KIAA1217: variants seen among roughly 807,000 people sequenced by gnomAD.
KIAA1217 encodes sickle tail protein homolog.
Under a neutral mutation model 163.9 loss-of-function variants are expected in KIAA1217, and 88 were observed. The ratio of observed to expected loss-of-function variants is 0.54; its 90% confidence interval spans 0.45 to 0.64. The LOEUF is 0.64. Ranked by LOEUF, KIAA1217 falls within the 30% of genes least tolerant of loss-of-function variation. The probability of loss-of-function intolerance (pLI) is 0.00; values close to 1 mark genes in which losing one functional copy is unlikely to be tolerated. For synonymous variants in KIAA1217, 903 were observed against 923.1 expected (o/e 0.98, Z 0.39); for missense variants, 2,372 against 2,475.0 (o/e 0.96, Z 0.88).
chr10:24,160,761 A>G (rs1353374735), intron 2 of KIAA1217, among the ~76,000 whole-genome samples: 1 of 152,208 alleles, frequency 6.6e-6, no homozygotes, highest in African/African-American at 2.4e-5. Flanking sequence ...TAAATTGAGT[A>G]TATTAGAGAC....
rs140097545 is a variant in KIAA1217 at position 24,129,250 on chromosome 10, G to A, written c.-170-90376G>A. On this transcript the variant is annotated intron_variant, in intron 2 of 18. Transcript: ENST00000376462. The stretch of plus-strand genomic sequence containing the variant: ...AATAGAGTCATTATGTGGATTAGAG[G>A]AGAGCCAGGATGAAAAACTTATAGT... Among the ~76,000 whole-genome samples the A allele has an allele frequency of 2.8e-3, 411 of 148,984 alleles. 2 individuals are homozygous for A. Among genetic ancestry groups the A allele is most frequent in the Middle Eastern group, 0.01 (3 of 288 alleles).
At chr10:24,113,912 C>T (rs931263871) in intron 2 of KIAA1217, among the ~76,000 whole-genome samples, 11 of 152,190 alleles carry the variant, frequency 7.2e-5, no homozygotes, top group Non-Finnish European at 1.2e-4. Context: ...ATTATTAAGA[C>T]CCAAGACAGC....
chr10:23,734,235 C>A (rs529427976), intron 1 of KIAA1217, among the ~76,000 whole-genome samples: 2 of 152,016 alleles, frequency 1.3e-5, no homozygotes, highest in Non-Finnish European at 2.9e-5. Flanking sequence ...CATTGGAAAG[C>A]ACTATTCTTA....
At chr10:23,867,315 G>A (rs12242750) in intron 1 of KIAA1217, among the ~76,000 whole-genome samples, 4,954 of 151,852 alleles carry the variant, frequency 0.033, 237 homozygotes, top group African/African-American at 0.11. Context: ...AAACATACGT[G>A]TGCATGTGTC....
intron 1 of KIAA1217, among the ~76,000 whole-genome samples, chr10:23,837,561 T>C (rs1838537904): frequency 6.6e-6 from 1 of 152,160 alleles, no homozygotes; most frequent in African/African-American, 2.4e-5. Flanking sequence ...TGAGATGGGA[T>C]CTTGCTCTGT....
Position 24,524,685 on chromosome 10 carries a change from T to G in KIAA1217, c.2819T>G (p.Met940Arg). 6.2e-7 allele frequency: 1 copy of G among 1,614,048 alleles called. No homozygotes were observed. The highest frequency in any genetic ancestry group is 2.2e-5 in the East Asian group (1 of 44,874). Reference sequence around the variant, plus strand: ...GCTCCGCAGTCCCCACAGATACCCATGAATGGGTCTGCCATGCAGAGCTTG... The same window carrying G: ...GCTCCGCAGTCCCCACAGATACCCAGGAATGGGTCTGCCATGCAGAGCTTG... ...SQAPQSPQIP[M>R]NGSAMQSLFI... Residue 940 changes from methionine to arginine, a missense_variant, in exon 13 of 21, where the codon ATG becomes AGG. Coordinates refer to ENST00000376454, the MANE Select transcript of KIAA1217 (RefSeq NM_019590.5).
intron 1 of KIAA1217, among the ~76,000 whole-genome samples, chr10:24,213,999 T>G (rs368628052): frequency 6.7e-6 from 1 of 149,292 alleles, no homozygotes; most frequent in Non-Finnish European, 1.5e-5. Flanking sequence ...AAAAAAAATG[T>G]TTTTAAAGTA....
intron 1 of KIAA1217, among the ~76,000 whole-genome samples, chr10:23,790,678 AT>A (rs1835897616): frequency 7.8e-6 from 1 of 128,574 alleles, no homozygotes; most frequent in Non-Finnish European, 1.5e-5. Flanking sequence ...TATCATATAT[AT>A]AATATGTATG....
At chr10:24,254,358 G>A (rs996916839) in intron 2 of KIAA1217, among the ~76,000 whole-genome samples, 4 of 152,218 alleles carry the variant, frequency 2.6e-5, no homozygotes, top group Admixed American at 6.5e-5. Context: ...ATATGAGTTG[G>A]TCTCATAGCC....
chr10:23,800,053 T>C (rs1836396853), intron 1 of KIAA1217, among the ~76,000 whole-genome samples: 1 of 152,186 alleles, frequency 6.6e-6, no homozygotes, highest in African/African-American at 2.4e-5. Flanking sequence ...CTTAGAAATC[T>C]CTTGATTGCT....
At chr10:23,957,593 G>A (rs775828074) in intron 1 of KIAA1217, among the ~76,000 whole-genome samples, 22 of 152,102 alleles carry the variant, frequency 1.4e-4, no homozygotes, top group African/African-American at 4.3e-4. Flanking sequence ...ATGGTGGTAC[G>A]TGCCTGTAGT....
intron 1 of KIAA1217, among the ~76,000 whole-genome samples, chr10:23,975,686 A>G (rs1845510394): frequency 1.3e-5 from 2 of 152,132 alleles, no homozygotes; most frequent in African/African-American, 4.8e-5. Context: ...TTGAGATACC[A>G]TTGATTATAC....
At chr10:23,718,733 T>A (rs1837704355) in intron 1 of KIAA1217, among the ~76,000 whole-genome samples, 1 of 152,118 alleles carries the variant, frequency 6.6e-6, no homozygotes, top group Admixed American at 6.6e-5. Flanking sequence ...CAATATTTTC[T>A]TATAGCAATC....
chr10:24,155,438 A>G (rs1165038456), intron 2 of KIAA1217, among the ~76,000 whole-genome samples: 1 of 152,182 alleles, frequency 6.6e-6, no homozygotes, highest in Non-Finnish European at 1.5e-5. Context: ...GGAGGAATTG[A>G]ATGATTTGCC....
rs1591909775 is a variant in KIAA1217 at position 24,435,395 on chromosome 10, T to C, written c.752+2202T>C. Among the ~76,000 whole-genome samples, 4 of 152,258 alleles carry C rather than the reference T, an allele frequency of 2.6e-5. No homozygotes were observed. In the East Asian group the frequency reaches 7.7e-4, roughly 29 times the overall value. ...TATTTAAAGACAATGTTTGTAGTAATATAATCCCACATACTGTTTTTACAT... is the reference window on the plus strand; with the variant it reads ...TATTTAAAGACAATGTTTGTAGTAACATAATCCCACATACTGTTTTTACAT... On this transcript the variant is annotated intron_variant, in intron 4 of 20. Transcript: ENST00000376454.
chr10:23,950,877 C>A (rs935507736), intron 1 of KIAA1217, among the ~76,000 whole-genome samples: 2 of 152,078 alleles, frequency 1.3e-5, no homozygotes, highest in African/African-American at 4.8e-5. Context: ...AGGGTCTACT[C>A]TAGAACAAGG....
intron 2 of KIAA1217, among the ~76,000 whole-genome samples, chr10:24,274,964 G>A (rs548405837): frequency 7.9e-5 from 12 of 151,928 alleles, no homozygotes; most frequent in African/African-American, 2.7e-4. Flanking sequence ...TAGATGCCGG[G>A]TCTCGCCCTC....
At chr10:24,384,500 C>T (rs917146895) in intron 3 of KIAA1217, among the ~76,000 whole-genome samples, 1 of 152,134 alleles carries the variant, frequency 6.6e-6, no homozygotes, top group African/African-American at 2.4e-5. Context: ...CTGGGGTTCA[C>T]TCTTGCTGTT....
At chr10:23,974,825 A>G (rs1338049307) in intron 1 of KIAA1217, among the ~76,000 whole-genome samples, 1 of 152,094 alleles carries the variant, frequency 6.6e-6, no homozygotes, top group African/African-American at 2.4e-5. Flanking sequence ...AGTATAAGCT[A>G]CTTCTTTCTC....
Sources: allele counts gnomAD v4.1 joint callset (sites outside exome capture counted in the v4.1 genomes callset), GRCh38; gene constraint gnomAD v4.1.1; transcripts MANE v1.5; gene names NCBI Gene and HGNC (gene_info 2026-07-23, HGNC 2026-07-21).